CACNA1A: variants seen among roughly 807,000 people sequenced by gnomAD.
The protein encoded by CACNA1A is calcium voltage-gated channel subunit alpha1 A.
Under a neutral mutation model 262.4 loss-of-function variants are expected in CACNA1A, and 57 were observed. The ratio of observed to expected loss-of-function variants is 0.22; its 90% CI spans 0.18 to 0.27. The LOEUF is 0.27. Among genes scored for constraint, CACNA1A ranks in the 10% least tolerant of loss-of-function variants. CACNA1A has a pLI of 1.00. For missense variants in CACNA1A, 2,526 were observed against 3,562.8 expected, an observed-to-expected ratio of 0.71 and a Z score of 7.41; for synonymous variants, 1,431 against 1,419.3, an observed-to-expected ratio of 1.01 and a Z score of -0.18.
At chr19:13,419,416 C>T (rs2060279587) in intron 3 of CACNA1A, among the ~76,000 whole-genome samples, 1 of 152,208 alleles carries the variant, frequency 6.6e-6, no homozygotes, top group African/African-American at 2.4e-5. Flanking sequence ...TGGCTCATAT[C>T]TGTAATCCCA....
intron 6 of CACNA1A, 60 bp downstream of exon 6, chr19:13,359,546 C>A: frequency 7.3e-7 from 1 of 1,376,990 alleles, no homozygotes; most frequent in Non-Finnish European, 1.0e-6. Flanking sequence ...CTCACTGGTC[C>A]CAGGAGGCCA....
chr19:13,230,997 TTTTTG>T (rs1354652784), intron 35 of CACNA1A, among the ~76,000 whole-genome samples: 7 of 129,332 alleles, frequency 5.4e-5, no homozygotes, highest in Admixed American at 8.0e-5. Flanking sequence ...GTTTTTTTTT[TTTTTG>T]TTTGTTTTTG....
At chr19:13,309,394 T>C (rs1266626246) in intron 12 of CACNA1A, among the ~76,000 whole-genome samples, 4 of 151,890 alleles carry the variant, frequency 2.6e-5, no homozygotes, top group Non-Finnish European at 4.4e-5. Flanking sequence ...CTACTACCTA[T>C]GTCAACAATT....
chr19:13,412,559 C>A (rs940344415), intron 3 of CACNA1A, among the ~76,000 whole-genome samples: 3 of 150,938 alleles, frequency 2.0e-5, no homozygotes, highest in African/African-American at 7.3e-5. Flanking sequence ...CTCACTGCAA[C>A]CTCCGCCTCC....
At chr19:13,347,480 G>A (rs1221807344) in intron 6 of CACNA1A, among the ~76,000 whole-genome samples, 3 of 152,168 alleles carry the variant, frequency 2.0e-5, no homozygotes, top group South Asian at 4.2e-4. Flanking sequence ...CTAAGGCAGT[G>A]ATCCACAAAC....
chr19:13,480,666 ATTTTAAAATTTCTAAAAAATAGAG>A (rs1187669912), intron 1 of CACNA1A, among the ~76,000 whole-genome samples: 3 of 152,178 alleles, frequency 2.0e-5, no homozygotes, highest in African/African-American at 7.2e-5. Flanking sequence ...CTTGTCTCTA[ATTTTAAAATTTCTAAAAAATAGAG>A]AAAAAAAGTT....
intron 1 of CACNA1A, among the ~76,000 whole-genome samples, chr19:13,463,717 A>C (rs1444648933): frequency 6.6e-6 from 1 of 152,226 alleles, no homozygotes; most frequent in Non-Finnish European, 1.5e-5. Flanking sequence ...AGTATCAAAT[A>C]GGTTTGTGTG....
At chr19:13,323,861 G>T (rs1250349991) in intron 10 of CACNA1A, among the ~76,000 whole-genome samples, 1 of 152,132 alleles carries the variant, frequency 6.6e-6, no homozygotes. Flanking sequence ...ATGCCATGGA[G>T]CTTTCTCCTT....
chr19:13,304,362 C>T (rs758102100), intron 15 of CACNA1A, among the ~76,000 whole-genome samples: 3 of 151,944 alleles, frequency 2.0e-5, no homozygotes, highest in Non-Finnish European at 4.4e-5. Context: ...CATGCCATGG[C>T]TCATGCCTGT....
At chr19:13,277,383 C>G (rs1186746488) in intron 22 of CACNA1A, 2 of 368,212 alleles carry the variant, frequency 5.4e-6, no homozygotes, top group African/African-American at 4.1e-5. Context: ...TGTACTAGGC[C>G]AGTTCGCTAA....
chr19:13,349,616 T>C (rs1311889884), intron 6 of CACNA1A, among the ~76,000 whole-genome samples: 1 of 152,182 alleles, frequency 6.6e-6, no homozygotes, highest in East Asian at 1.9e-4. Flanking sequence ...TTCTATCCCC[T>C]TGAGCTCAGA....
chr19:13,385,292 C>T (rs1282942375), intron 3 of CACNA1A, among the ~76,000 whole-genome samples: 13 of 149,346 alleles, frequency 8.7e-5, no homozygotes, highest in South Asian at 2.1e-4. Context: ...TGCAGTGGCA[C>T]GATCTCGGCT....
chr19:13,225,566 G>A (rs2055405247), intron 37 of CACNA1A: 1 of 152,136 alleles, frequency 6.6e-6, no homozygotes, highest in African/African-American at 2.4e-5. Context: ...GGGAGAGGAT[G>A]CTGGGCTGGT....
chr19:13,408,470 T>C (rs939036188), intron 3 of CACNA1A, among the ~76,000 whole-genome samples: 2 of 152,224 alleles, frequency 1.3e-5, no homozygotes, highest in African/African-American at 4.8e-5. Flanking sequence ...TTTCAGAGAT[T>C]CCAAGATCTT....
chr19:13,334,615 G>A, intron 7 of CACNA1A, 122 bp from the exon 8 acceptor site: 1 of 614,798 alleles, frequency 1.6e-6, no homozygotes, highest in African/African-American at 1.9e-5. Context: ...GTGTGTTTGG[G>A]GATTCAGAAG....
intron 11 of CACNA1A, chr19:13,315,498 C>T (rs1012176299): frequency 6.6e-6 from 1 of 152,016 alleles, no homozygotes; most frequent in Non-Finnish European, 1.5e-5. Flanking sequence ...TGTTCCTGAA[C>T]CAGGACAGAC....
At chr19:13,503,394 C>A (rs977073702) in intron 1 of CACNA1A, among the ~76,000 whole-genome samples, 1 of 151,926 alleles carries the variant, frequency 6.6e-6, no homozygotes, top group Non-Finnish European at 1.5e-5. Context: ...AATATATGTA[C>A]TTGCCTGTAC....
chr19:13,211,981 G>A lies in CACNA1A; in HGVS notation c.6303+122C>T, dbSNP rs2054828186. ...CTGCAGACTGCTTCAGAGACTGAAG[G>A]AGTCCCTACCCAGGCCTGAGTCCGG... On this transcript the variant is annotated intron_variant, in intron 43 of 46. Coordinates refer to ENST00000360228, the MANE Select transcript of CACNA1A (RefSeq NM_001127222.2). The A allele has an allele frequency of 4.5e-6, 3 of 664,130 alleles. No individual in the cohort carries two copies. In the East Asian group the frequency reaches 8.2e-5, roughly 18 times the overall value. The allele number at this position is 664,130 out of a possible 1,614,324, so 41.1% of individuals were successfully genotyped here.
At chr19:13,292,331 G>A (rs2057559107) in intron 19 of CACNA1A, among the ~76,000 whole-genome samples, 1 of 151,986 alleles carries the variant, frequency 6.6e-6, no homozygotes, top group South Asian at 2.1e-4. Flanking sequence ...AAATATGATC[G>A]GCCTGGCAAG....
Sources: gnomAD v4.1 joint callset for allele counts (sites outside exome capture counted in the v4.1 genomes callset) on GRCh38, gnomAD v4.1.1 for gene constraint, MANE v1.5 for transcripts, NCBI Gene and HGNC (gene_info 2026-07-23, HGNC 2026-07-21) for gene names.